The following CD247 variants were observed in gnomAD, a reference collection of about 807,000 sequenced individuals.
The protein encoded by CD247 is CD247 molecule.
CD247 carries 13 observed loss-of-function variants against 30.0 expected under a neutral mutation model. That is an observed-to-expected ratio of 0.43 (90% CI 0.28 to 0.69). The LOEUF (loss-of-function observed/expected upper bound fraction) is 0.69, where lower values mean the gene tolerates loss of function less well. Among genes scored for constraint, CD247 ranks in the 30% least tolerant of loss-of-function variants. The pLI, the probability that CD247 is intolerant of heterozygous loss-of-function variation, is 0.16. For synonymous variants in CD247, 72 were observed against 80.0 expected, an observed-to-expected ratio of 0.90 and a Z score of 0.53; for missense variants, 193 against 212.6, an observed-to-expected ratio of 0.91 and a Z score of 0.57.
At chr1:167,505,275 T>G (rs1183902413) in intron 1 of CD247, among the ~76,000 whole-genome samples, 1 of 152,120 alleles carries the variant, frequency 6.6e-6, no homozygotes, top group Non-Finnish European at 1.5e-5. Context: ...TTTTTGTTGT[T>G]GTTGTTGTTG....
intron 1 of CD247, among the ~76,000 whole-genome samples, chr1:167,505,628 T>C (rs2102107065): frequency 6.6e-6 from 1 of 152,378 alleles, no homozygotes; most frequent in Non-Finnish European, 1.5e-5. Context: ...TCAGGGCCTA[T>C]GGCACAACAG....
intron 1 of CD247, among the ~76,000 whole-genome samples, chr1:167,480,977 C>T (rs1030466999): frequency 2.0e-5 from 3 of 152,164 alleles, no homozygotes; most frequent in Admixed American, 2.0e-4. Flanking sequence ...TATATTGATT[C>T]TCAACCATTA....
At chr1:167,452,093 T>C (rs12723614) in intron 1 of CD247, among the ~76,000 whole-genome samples, 2,222 of 152,252 alleles carry the variant, frequency 0.015, 29 homozygotes, top group South Asian at 0.029. Context: ...GGTGTGGTGG[T>C]AGGCACTTGT....
At chr1:167,454,823 G>A (rs2102016746) in intron 1 of CD247, among the ~76,000 whole-genome samples, 1 of 152,316 alleles carries the variant, frequency 6.6e-6, no homozygotes, top group East Asian at 1.9e-4. Flanking sequence ...CGCAAGGGAG[G>A]ACAGGGGCGG....
chr1:167,513,638 C>T (rs556112504), intron 1 of CD247, among the ~76,000 whole-genome samples: 16 of 152,108 alleles, frequency 1.1e-4, no homozygotes, highest in Middle Eastern at 3.4e-3. Flanking sequence ...TACCTGATGC[C>T]TTTCATTAGT....
chr1:167,517,823 C>T (rs1311858138), intron 1 of CD247, among the ~76,000 whole-genome samples: 3 of 152,182 alleles, frequency 2.0e-5, no homozygotes, highest in East Asian at 1.9e-4. Context: ...GTGGCGAAGG[C>T]GCTGTGGAGG....
intron 1 of CD247, among the ~76,000 whole-genome samples, chr1:167,484,225 A>G (rs1654102284): frequency 6.6e-6 from 1 of 152,028 alleles, no homozygotes; most frequent in African/African-American, 2.4e-5. Flanking sequence ...TTTAGAGACC[A>G]CTTCCTTTAC....
At chr1:167,475,675 C>A (rs900022685) in intron 1 of CD247, among the ~76,000 whole-genome samples, 9 of 152,160 alleles carry the variant, frequency 5.9e-5, no homozygotes, top group African/African-American at 1.9e-4. Flanking sequence ...ATTCAACAGC[C>A]AGTTTAGAAA....
chr1:167,460,922 A>C (rs780672803), intron 1 of CD247, among the ~76,000 whole-genome samples: 175 of 152,390 alleles, frequency 1.1e-3, no homozygotes, highest in Non-Finnish European at 2.2e-3. Context: ...CCAGGCAGCC[A>C]GAATGAAGCC....
At chr1:167,490,618 C>T (rs560529494) in intron 1 of CD247, among the ~76,000 whole-genome samples, 54 of 148,524 alleles carry the variant, frequency 3.6e-4, no homozygotes, top group African/African-American at 1.3e-3. Flanking sequence ...AGCGAGTCTC[C>T]GTCTCAAAAA....
chr1:167,449,395 C>A (rs1367672219), intron 1 of CD247, among the ~76,000 whole-genome samples: 2 of 151,672 alleles, frequency 1.3e-5, no homozygotes, highest in Admixed American at 6.6e-5. Flanking sequence ...CTCAGGTAAT[C>A]CACCCGCCTC....
At chr1:167,474,066 T>C (rs1224832616) in intron 1 of CD247, among the ~76,000 whole-genome samples, 7 of 152,140 alleles carry the variant, frequency 4.6e-5, no homozygotes, top group African/African-American at 1.4e-4. Flanking sequence ...GATAAAGCCG[T>C]GTGAACCAGA....
At chr1:167,481,871 C>A (rs1022771970) in intron 1 of CD247, among the ~76,000 whole-genome samples, 6 of 152,164 alleles carry the variant, frequency 3.9e-5, no homozygotes, top group Admixed American at 3.9e-4. Flanking sequence ...AGGCCCAGGG[C>A]AGGCAGCGAT....
intron 4 of CD247, 136 bp from the exon 5 acceptor site, chr1:167,435,570 C>T (rs899916672): frequency 1.5e-5 from 11 of 753,736 alleles, no homozygotes; most frequent in Non-Finnish European, 2.4e-5. Context: ...CCTGTGCTAC[C>T]CCAGCCTTGC....
At chr1:167,449,787 G>A (rs1199920078) in intron 1 of CD247, among the ~76,000 whole-genome samples, 1 of 152,008 alleles carries the variant, frequency 6.6e-6, no homozygotes, top group Non-Finnish European at 1.5e-5. Flanking sequence ...GCCGGGCATG[G>A]TGGCACGTGC....
chr1:167,491,625 C>T (rs753816218), intron 1 of CD247, among the ~76,000 whole-genome samples: 1 of 151,976 alleles, frequency 6.6e-6, no homozygotes. Context: ...TGGTTCTATA[C>T]CCAAAAGAAT....
chr1:167,456,781 C>G (rs1382266856), intron 1 of CD247, among the ~76,000 whole-genome samples: 1 of 152,202 alleles, frequency 6.6e-6, no homozygotes, highest in East Asian at 1.9e-4. Flanking sequence ...GACACAGAAC[C>G]CAACAGGGAC....
At chr1:167,439,190 G>A (rs1301736905) in intron 3 of CD247, among the ~76,000 whole-genome samples, 154 bp downstream of exon 3, 3 of 152,118 alleles carry the variant, frequency 2.0e-5, no homozygotes, top group Admixed American at 2.0e-4. Flanking sequence ...CTGTTTTGTG[G>A]GTTAGAAAAC....
intron 6 of CD247, among the ~76,000 whole-genome samples, chr1:167,433,295 C>T (rs766107244): frequency 1.3e-5 from 2 of 152,200 alleles, no homozygotes; most frequent in African/African-American, 2.4e-5. Context: ...CCACTCAGAT[C>T]CTCACAGACA....
Sources: allele counts gnomAD v4.1 joint callset (sites outside exome capture counted in the v4.1 genomes callset), GRCh38; gene constraint gnomAD v4.1.1; transcripts MANE v1.5; gene names NCBI Gene and HGNC (gene_info 2026-07-23, HGNC 2026-07-21).